Variants in ITPK1 observed in about 807,000 individuals in gnomAD.
ITPK1 encodes the protein inositol-tetrakisphosphate 1-kinase.
Under a neutral mutation model 45.3 loss-of-function variants are expected in ITPK1, and 21 were observed. That is an observed-to-expected ratio of 0.46 (90% CI 0.33 to 0.67). ITPK1 has a LOEUF of 0.67. Among genes scored for constraint, ITPK1 ranks in the 30% least tolerant of loss-of-function variants. The pLI, the probability that ITPK1 is intolerant of heterozygous loss-of-function variation, is 0.02. For synonymous variants in ITPK1, 258 were observed against 253.6 expected, an observed-to-expected ratio of 1.02 and a Z score of -0.16; for missense variants, 474 against 573.5, an observed-to-expected ratio of 0.83 and a Z score of 1.77.
rs892163497 is a variant in ITPK1 at position 93,034,810 on chromosome 14, G to A, written c.121-18009C>T. On this transcript the variant is annotated intron_variant, in intron 3 of 10. Coordinates refer to ENST00000267615, the MANE Select transcript of ITPK1 (RefSeq NM_014216.6). This position sits in a 1 kb window ranked among gnomAD's most constrained non-coding sequence, Gnocchi z 4.1. ...GGGCAGTGGGCAGTGGGCAGTGCCA[G>A]TGCCCAGGGGCTATGCCCTGTGTGG... Among the ~76,000 whole-genome samples, 16 of 152,370 alleles carry A rather than the reference G, an allele frequency of 1.1e-4. 1 individual carries two copies. The highest frequency in any genetic ancestry group is 9.8e-4 in the Admixed American group (15 of 15,310).
At chr14:93,018,800 A>G (rs1167957664) in intron 3 of ITPK1, among the ~76,000 whole-genome samples, 1 of 152,172 alleles carries the variant, frequency 6.6e-6, no homozygotes, top group Non-Finnish European at 1.5e-5. Context: ...CAGGACACCA[A>G]CGGCCCAGGA....
At chr14:92,953,609 G>T (rs765078107) in intron 8 of ITPK1, among the ~76,000 whole-genome samples, 1 of 152,332 alleles carries the variant, frequency 6.6e-6, no homozygotes, top group South Asian at 2.1e-4. Flanking sequence ...TGTAGATCCT[G>T]AATAGCAGTT....
At chr14:92,990,737 C>T (rs1382568521) in intron 5 of ITPK1, among the ~76,000 whole-genome samples, 1 of 152,200 alleles carries the variant, frequency 6.6e-6, no homozygotes, top group African/African-American at 2.4e-5. Context: ...GGGAGAGGCC[C>T]TCCACGGCTG....
At chr14:93,097,439 A>G (rs1892124406) in intron 2 of ITPK1, among the ~76,000 whole-genome samples, 1 of 152,176 alleles carries the variant, frequency 6.6e-6, no homozygotes, top group African/African-American at 2.4e-5. Context: ...TCGGTTAGCC[A>G]AAGGTCAAGC....
chr14:93,111,123 A>G (rs955218981), intron 2 of ITPK1, among the ~76,000 whole-genome samples: 4 of 152,094 alleles, frequency 2.6e-5, no homozygotes, highest in African/African-American at 9.7e-5. Context: ...AAAAATCAGC[A>G]ATTATTACAG....
intron 5 of ITPK1, among the ~76,000 whole-genome samples, chr14:92,969,434 A>G (rs1885541338): frequency 1.3e-5 from 2 of 152,154 alleles, no homozygotes; most frequent in Non-Finnish European, 2.9e-5. Context: ...AGCCGGTGCA[A>G]AGGCCCAACC....
chr14:92,942,203 C>G (rs1887464808), intron 10 of ITPK1, among the ~76,000 whole-genome samples: 1 of 152,188 alleles, frequency 6.6e-6, no homozygotes, highest in South Asian at 2.1e-4. Context: ...AGGCACAGCT[C>G]CACTGTCTCA....
intron 2 of ITPK1, among the ~76,000 whole-genome samples, chr14:93,109,499 T>C (rs1484445182): frequency 6.6e-6 from 1 of 152,230 alleles, no homozygotes; most frequent in African/African-American, 2.4e-5. Flanking sequence ...ACAATAAATG[T>C]TAGCTAGTAA....
intron 6 of ITPK1, 116 bp downstream of exon 6, chr14:92,962,635 G>T (rs1330389968): frequency 2.3e-6 from 2 of 855,698 alleles, no homozygotes; most frequent in Non-Finnish European, 2.0e-6. Flanking sequence ...AGGGCCATGT[G>T]CTCATCCATC....
In ITPK1 at chr14:92,941,343, C is replaced by A; in HGVS notation, c.*218G>T. On this transcript the variant is annotated 3_prime_UTR_variant, in exon 11 of 11. Transcript: ENST00000267615. ...GGAGGTCTGCACAGTAGAGAGCAGG[C>A]GGACGGCCCCACTCCCCAACGGTGG... 1 of 1,410,156 alleles carries A rather than the reference C, an allele frequency of 7.1e-7. No individual in the cohort carries two copies. The allele number at this position is 1,410,156 out of a possible 1,614,324, so 87.4% of individuals were successfully genotyped here. A position where few individuals can be genotyped will look rare whatever the true frequency, so the allele number is the denominator to read the frequency against.
At position 92,958,426 on chromosome 14, in the gene ITPK1, C is replaced by T. The variant is rs1884868414; in HGVS notation, c.505-60G>A. The T allele has an allele frequency of 6.4e-7, 1 of 1,557,010 alleles. No homozygotes were observed. The highest frequency in any genetic ancestry group is 1.4e-5 in the African/African-American group (1 of 74,004). ...TCCACCACCTTCTCAGCCTCCAACA[C>T]ACAGGTGTGTCACCTGTCCAGAGCA... is the stretch of plus-strand genomic sequence containing the variant. On this transcript the variant is annotated intron_variant, in intron 7 of 10. Coordinates refer to ENST00000267615, the MANE Select transcript of ITPK1 (RefSeq NM_014216.6). The surrounding 1 kb of genome is among the most constrained non-coding windows in gnomAD (Gnocchi z 4.4).
At chr14:92,990,399 C>T (rs1886719875) in intron 5 of ITPK1, among the ~76,000 whole-genome samples, 1 of 152,148 alleles carries the variant, frequency 6.6e-6, no homozygotes. Flanking sequence ...AGCCAGGGTC[C>T]CAGCCCCTGT....
chr14:93,115,145 C>G lies in ITPK1; in HGVS notation c.19G>C (p.Gly7Arg), dbSNP rs771714901. The G allele has an allele frequency of 4.4e-6, 7 of 1,600,974 alleles. No homozygotes were observed. The Admixed American group carries it at 1.2e-4, about 27-fold the overall frequency. MQTFLK[G>R]KRVGYWLSEK... ...CTCAGCCAGTAGCCAACTCTCTTCC[C>G]TTTCAGAAAGGTCTGCATCTTCCTC... is the stretch of plus-strand genomic sequence containing the variant. The change falls in exon 2 of 11, where the codon GGG (glycine) becomes CGG (arginine). Residue 7 changes from glycine (G) to arginine (R), a missense_variant. Gly to Arg is a moderately radical substitution (Grantham distance 125, BLOSUM62 -2). Coordinates refer to ENST00000267615, the MANE Select transcript of ITPK1 (RefSeq NM_014216.6).
At chr14:92,944,621 C>A (rs1887593150) in intron 10 of ITPK1, among the ~76,000 whole-genome samples, 1 of 152,174 alleles carries the variant, frequency 6.6e-6, no homozygotes, top group Non-Finnish European at 1.5e-5. Flanking sequence ...CCTCCCTGTG[C>A]CCCCCTGGCC....
At position 93,107,530 on chromosome 14, in the gene ITPK1, G is replaced by A. The variant is rs910305118; in HGVS notation, c.95+7539C>T. 6.6e-5 allele frequency among the ~76,000 whole-genome samples: 10 copies of A among 152,170 alleles called. No homozygotes were observed. In the East Asian group the frequency reaches 7.7e-4, roughly 12 times the overall value. ...GGAGGGCCTTTGGCCTGTGGGTCCC[G>A]ATTCACCCTCTGGGGCAGCTGAGTC... is the stretch of plus-strand genomic sequence containing the variant. On this transcript the variant is annotated intron_variant, in intron 2 of 10. Transcript: ENST00000267615.
At chr14:93,008,647 G>A (rs1034738286) in intron 4 of ITPK1, among the ~76,000 whole-genome samples, 2 of 152,198 alleles carry the variant, frequency 1.3e-5, no homozygotes, top group Admixed American at 6.5e-5. Flanking sequence ...TTACCCGGCC[G>A]GCTGTGCTCT....
At chr14:93,015,387 C>A (rs1888126970) in intron 4 of ITPK1, among the ~76,000 whole-genome samples, 1 of 152,228 alleles carries the variant, frequency 6.6e-6, no homozygotes. Flanking sequence ...CAGGAAGCAG[C>A]ACATCACCAG....
At chr14:93,008,492 G>C (rs1887729698) in intron 4 of ITPK1, among the ~76,000 whole-genome samples, 1 of 152,256 alleles carries the variant, frequency 6.6e-6, no homozygotes, top group African/African-American at 2.4e-5. Flanking sequence ...CAAACGGGTA[G>C]GGGCCAGGGC....
intron 5 of ITPK1, among the ~76,000 whole-genome samples, chr14:92,986,910 A>T (rs1566717092): frequency 1.3e-5 from 2 of 152,156 alleles, no homozygotes; most frequent in Non-Finnish European, 2.9e-5. Context: ...GAGGGCAGCA[A>T]ATGCCTGGCA....
Sources: allele counts gnomAD v4.1 joint callset (sites outside exome capture counted in the v4.1 genomes callset), GRCh38; gene constraint gnomAD v4.1.1; non-coding constraint Gnocchi (gnomAD v3.1); transcripts MANE v1.5; gene names NCBI Gene and HGNC (gene_info 2026-07-23, HGNC 2026-07-21).